The following RELN variants were observed in gnomAD, a reference collection of about 807,000 sequenced individuals.
RELN encodes reelin.
Under a neutral mutation model 427.6 loss-of-function variants are expected in RELN, and 108 were observed. The observed-to-expected ratio is 0.25, with a 90% CI of 0.22 to 0.30. RELN has a LOEUF of 0.30. RELN is among the 10% of genes least tolerant of loss of function. RELN has a pLI of 1.00. For synonymous variants in RELN, 1,524 were observed against 1,513.4 expected, an observed-to-expected ratio of 1.01 and a Z score of -0.16; for missense variants, 3,715 against 4,302.8, an observed-to-expected ratio of 0.86 and a Z score of 3.82.
chr7:103,765,263 G>A (rs1416745848), intron 4 of RELN, among the ~76,000 whole-genome samples: 1 of 152,208 alleles, frequency 6.6e-6, no homozygotes, highest in Non-Finnish European at 1.5e-5. Flanking sequence ...GGGCTCAGAG[G>A]AGATGAGAGG....
At chr7:103,743,190 T>C (rs573841580) in intron 6 of RELN, among the ~76,000 whole-genome samples, 24 of 152,124 alleles carry the variant, frequency 1.6e-4, no homozygotes, top group Admixed American at 9.2e-4. Context: ...AGAAATAAAA[T>C]ACTTTACAGA....
intron 1 of RELN, among the ~76,000 whole-genome samples, chr7:103,985,199 T>C (rs1797071904): frequency 6.6e-6 from 1 of 152,160 alleles, no homozygotes; most frequent in South Asian, 2.1e-4. Context: ...AAATTACCAA[T>C]AGTGATGCCG....
At chr7:103,699,697 G>T (rs1468768628) in intron 9 of RELN, among the ~76,000 whole-genome samples, 4 of 152,004 alleles carry the variant, frequency 2.6e-5, no homozygotes, top group Non-Finnish European at 5.9e-5. Flanking sequence ...AAATTTTTCA[G>T]TATTTATGCT....
chr7:103,548,332 G>GTATA (rs71519153), intron 41 of RELN, among the ~76,000 whole-genome samples: 10,820 of 152,046 alleles, frequency 0.071, 502 homozygotes, highest in South Asian at 0.14. Flanking sequence ...ATGGATTTTT[G>GTATA]TATATATATA....
At chr7:103,842,605 A>G (rs970110410) in intron 2 of RELN, among the ~76,000 whole-genome samples, 1 of 152,254 alleles carries the variant, frequency 6.6e-6, no homozygotes, top group African/African-American at 2.4e-5. Flanking sequence ...ATGCTACAAG[A>G]TATTGAATAG....
chr7:103,492,440 A>G (rs1215904742), intron 57 of RELN, among the ~76,000 whole-genome samples: 1 of 152,206 alleles, frequency 6.6e-6, no homozygotes, highest in Non-Finnish European at 1.5e-5. Flanking sequence ...CAGCAATTTT[A>G]ATTACTTAAT....
In RELN at chr7:103,594,232, C is replaced by T. The variant is rs1831486240; in HGVS notation, c.3711+89G>A. 2.4e-6 allele frequency: 3 copies of T among 1,271,992 alleles called. No individual in the cohort carries two copies. In the South Asian group the frequency reaches 3.6e-5, roughly 15 times the overall value. 78.8% of individuals were successfully genotyped at this position (1,271,992 alleles called of 1,614,324 possible). A position where few individuals can be genotyped will look rare whatever the true frequency, so the allele number is the denominator to read the frequency against. ...TAAACTTATATTATACATTCAGTGT[C>T]AAGCACTAAATCCTTAAGGAAATGA... On this transcript the variant is annotated intron_variant, in intron 26 of 64. Transcript: ENST00000428762.
chr7:103,484,923 G>A (rs921496813), intron 61 of RELN, among the ~76,000 whole-genome samples: 1 of 152,134 alleles, frequency 6.6e-6, no homozygotes, highest in African/African-American at 2.4e-5. Context: ...GAGTTAGGAC[G>A]TGCAGGTTCT....
intron 1 of RELN, among the ~76,000 whole-genome samples, chr7:103,972,894 A>ATT: frequency 6.7e-6 from 1 of 149,272 alleles, no homozygotes; most frequent in East Asian, 2.0e-4. Flanking sequence ...GCATATGATT[A>ATT]TGTGTGTGTG....
chr7:103,957,480 G>C (rs920377161), intron 1 of RELN, among the ~76,000 whole-genome samples: 1 of 152,082 alleles, frequency 6.6e-6, no homozygotes, highest in African/African-American at 2.4e-5. Flanking sequence ...CACCTTCGTG[G>C]CAATCTCGTA....
chr7:103,643,324 G>A (rs746251797), intron 16 of RELN, among the ~76,000 whole-genome samples: 1 of 151,904 alleles, frequency 6.6e-6, no homozygotes, highest in Non-Finnish European at 1.5e-5. Context: ...CAACTTATAT[G>A]CTCTCTGAAA....
chr7:103,862,412 TATCTA>T (rs1353436574), intron 2 of RELN, among the ~76,000 whole-genome samples: 956 of 41,428 alleles, frequency 0.023, 5 homozygotes, highest in South Asian at 0.088. Context: ...GCTTTTGTTC[TATCTA>T]TCTATCTATC....
chr7:103,740,719 A>C (rs1234372809), intron 6 of RELN, among the ~76,000 whole-genome samples: 1 of 152,204 alleles, frequency 6.6e-6, no homozygotes, highest in Admixed American at 6.5e-5. Context: ...AAGTTAATGG[A>C]AGTAAATACA....
chr7:103,723,974 A>T (rs1790140456), intron 7 of RELN, among the ~76,000 whole-genome samples: 1 of 152,094 alleles, frequency 6.6e-6, no homozygotes, highest in Non-Finnish European at 1.5e-5. Flanking sequence ...TAATTTTAAA[A>T]TTTTATTTAT....
intron 12 of RELN, among the ~76,000 whole-genome samples, chr7:103,655,259 T>G (rs1353194868): frequency 6.6e-6 from 1 of 152,088 alleles, no homozygotes; most frequent in African/African-American, 2.4e-5. Context: ...ACTATGGGCA[T>G]GTATATGTAT....
In RELN at chr7:103,649,604, AG is replaced by A. The variant is rs748838685; in HGVS notation, c.2002+669del. Among the ~76,000 whole-genome samples the A allele has an allele frequency of 2.0e-5, 3 of 152,062 alleles. 1 individual carries two copies. Among genetic ancestry groups the A allele is most frequent in the Admixed American group, 6.6e-5 (1 of 15,262 alleles). On this transcript the variant is annotated intron_variant, in intron 16 of 64. Transcript: ENST00000428762. The stretch of plus-strand genomic sequence containing the variant: ...ATAAAAATAGAAAGACAAAAACCAA[AG>A]AGTTGGTGATTAATAACAAGTATAA...
At chr7:103,619,056 C>T (rs1321953948) in intron 20 of RELN, among the ~76,000 whole-genome samples, 1 of 151,872 alleles carries the variant, frequency 6.6e-6, no homozygotes, top group Non-Finnish European at 1.5e-5. Context: ...TTGCAGTGAG[C>T]TGAGATTGCG....
intron 2 of RELN, among the ~76,000 whole-genome samples, chr7:103,913,465 T>C (rs148435775): frequency 6.6e-6 from 1 of 152,310 alleles, no homozygotes; most frequent in African/African-American, 2.4e-5. Context: ...CAGAGACTAA[T>C]GATAGATTAT....
At chr7:103,472,981 CA>C (rs1562834345) in intron 64 of RELN, 73 bp from the exon 65 acceptor site, 2 of 1,194,768 alleles carry the variant, frequency 1.7e-6, no homozygotes, top group East Asian at 2.3e-5. Context: ...ATTGAACGTG[CA>C]ATCTATTCTA....
Sources: allele counts gnomAD v4.1 joint callset (sites outside exome capture counted in the v4.1 genomes callset), GRCh38; gene constraint gnomAD v4.1.1; transcripts MANE v1.5; gene names NCBI Gene and HGNC (gene_info 2026-07-23, HGNC 2026-07-21).